ADAMTS2: variants seen among roughly 807,000 people sequenced by gnomAD.
The protein encoded by ADAMTS2 is ADAM metallopeptidase with thrombospondin type 1 motif 2, also known as A disintegrin and metalloproteinase with thrombospondin motifs 2.
Under a neutral mutation model 123.0 loss-of-function variants are expected in ADAMTS2, and 50 were observed. That is an observed-to-expected ratio of 0.41 (90% CI 0.32 to 0.51). The LOEUF (loss-of-function observed/expected upper bound fraction) is 0.51, where lower values mean the gene tolerates loss of function less well. ADAMTS2 is among the 20% of genes least tolerant of loss of function. The probability of loss-of-function intolerance (pLI) is 0.35; values close to 1 mark genes in which losing one functional copy is unlikely to be tolerated. For synonymous variants in ADAMTS2, 678 were observed against 695.4 expected, an observed-to-expected ratio of 0.98 and a Z score of 0.39; for missense variants, 1,494 against 1,705.2, an observed-to-expected ratio of 0.88 and a Z score of 2.18.
chr5:179,172,494 G>A (rs1297094092), intron 5 of ADAMTS2, among the ~76,000 whole-genome samples: 1 of 152,216 alleles, frequency 6.6e-6, no homozygotes. Context: ...CTAACCCAGG[G>A]GCGTGGGCTT....
chr5:179,121,867 T>C lies in ADAMTS2; in HGVS notation c.3089-117A>G, dbSNP rs184809731. On this transcript the variant is annotated intron_variant, in intron 20 of 21. Coordinates refer to ENST00000251582, the MANE Select transcript of ADAMTS2 (RefSeq NM_014244.5). Reference sequence around the variant, plus strand: ...GGAAGCGTCATTCAAGGCCCTCGCCTCCCCGGGCGGACAAAGGGTCCTCCG... The same window carrying C: ...GGAAGCGTCATTCAAGGCCCTCGCCCCCCCGGGCGGACAAAGGGTCCTCCG... The C allele has an allele frequency of 4.3e-4, 276 of 639,804 alleles. No individual in the cohort carries two copies. In the East Asian group the frequency reaches 7.7e-3, roughly 18 times the overall value. 39.6% of individuals were successfully genotyped at this position (639,804 alleles called of 1,614,324 possible). A position where few individuals can be genotyped will look rare whatever the true frequency, so the allele number is the denominator to read the frequency against.
chr5:179,243,379 C>T (rs1370166776), intron 3 of ADAMTS2, among the ~76,000 whole-genome samples: 1 of 152,114 alleles, frequency 6.6e-6, no homozygotes, highest in Non-Finnish European at 1.5e-5. Context: ...GTGTAACAGA[C>T]AGATCAGAGA....
chr5:179,248,556 C>T (rs974107833), intron 3 of ADAMTS2, among the ~76,000 whole-genome samples: 4 of 151,774 alleles, frequency 2.6e-5, no homozygotes, highest in Non-Finnish European at 4.4e-5. Context: ...TAAAGAAATG[C>T]TATGCAAATA....
rs749601461 is a variant in ADAMTS2, at chr5:179,158,919, G to A, written c.976-40C>T. On this transcript the variant is annotated intron_variant, in intron 5 of 21. Transcript: ENST00000251582. The surrounding 1 kb of genome is among the most constrained non-coding windows in gnomAD (Gnocchi z 5.0). ...AGAGAAATGGAAGAGAGAGGTTGGC[G>A]CCTGGTGGCCCAGTGGGGGGCCGAG... 1.1e-5 allele frequency: 17 copies of A among 1,608,468 alleles called. No homozygotes were observed. The highest frequency in any genetic ancestry group is 8.9e-5 in the East Asian group (4 of 44,696).
intron 2 of ADAMTS2, among the ~76,000 whole-genome samples, chr5:179,325,338 C>T (rs1447871680): frequency 6.6e-6 from 1 of 152,140 alleles, no homozygotes; most frequent in Non-Finnish European, 1.5e-5. Flanking sequence ...AGACCGCGTG[C>T]TTATCATGGG....
chr5:179,295,803 C>T (rs1364820359), intron 2 of ADAMTS2, among the ~76,000 whole-genome samples: 1 of 152,180 alleles, frequency 6.6e-6, no homozygotes. Context: ...GATTCAGGAG[C>T]AGCCACCAAG....
Position 179,209,509 on chromosome 5 carries a change from C to T in ADAMTS2, c.689-1794G>A, listed in dbSNP as rs182892981. Among the ~76,000 whole-genome samples, 127 of 151,528 alleles carry T rather than the reference C, an allele frequency of 8.4e-4. 1 individual carries two copies. Among genetic ancestry groups the T allele is most frequent in the Non-Finnish European group, 1.4e-3 (97 of 68,008 alleles). Reference sequence around the variant, plus strand: ...GCTCCACAGTTCTGTGTCCCCTCGGCGCACACACACATGCACACACACACA... The same window carrying T: ...GCTCCACAGTTCTGTGTCCCCTCGGTGCACACACACATGCACACACACACA... On this transcript the variant is annotated intron_variant, in intron 3 of 21. Coordinates refer to ENST00000251582, the MANE Select transcript of ADAMTS2 (RefSeq NM_014244.5).
At chr5:179,269,755 G>T (rs1441842777) in intron 3 of ADAMTS2, among the ~76,000 whole-genome samples, 2 of 152,196 alleles carry the variant, frequency 1.3e-5, no homozygotes, top group Non-Finnish European at 2.9e-5. Context: ...GCCACAGGGT[G>T]CCCTGTCCCT....
At chr5:179,324,800 C>T (rs911070178) in intron 2 of ADAMTS2, among the ~76,000 whole-genome samples, 11 of 152,164 alleles carry the variant, frequency 7.2e-5, no homozygotes, top group South Asian at 2.1e-4. Context: ...GGAGGGTTCA[C>T]GACATGGAAC....
intron 4 of ADAMTS2, among the ~76,000 whole-genome samples, chr5:179,183,193 T>C (rs1476774580): frequency 1.3e-5 from 2 of 152,210 alleles, no homozygotes; most frequent in African/African-American, 2.4e-5. Context: ...GATTGTTTAG[T>C]CCACGCTGGC....
chr5:179,250,494 G>A (rs200857030), intron 3 of ADAMTS2, among the ~76,000 whole-genome samples: 1 of 152,116 alleles, frequency 6.6e-6, no homozygotes, highest in Non-Finnish European at 1.5e-5. Flanking sequence ...TAAAAATTAT[G>A]GAATTATGCG....
At chr5:179,134,636 C>T (rs1488482601) in intron 13 of ADAMTS2, among the ~76,000 whole-genome samples, 1 of 152,186 alleles carries the variant, frequency 6.6e-6, no homozygotes, top group African/African-American at 2.4e-5. Flanking sequence ...TATTTGGTGT[C>T]GCCATCTCTG....
chr5:179,343,962 G>C lies in ADAMTS2; in HGVS notation c.339C>G (p.Val113=), dbSNP rs143877087. ...EEPGSHLFYN[V]TVFGRDLHLR... Reference sequence around the variant, plus strand: ...GGTGCAGGTCTCGGCCAAAGACCGTGACATTGTAGAAGAGGTGACTGCCAG... The same window carrying C: ...GGTGCAGGTCTCGGCCAAAGACCGTCACATTGTAGAAGAGGTGACTGCCAG... Residue 113 remains valine (V), a synonymous_variant, in exon 2 of 22, where the codon GTC becomes GTG. Transcript: ENST00000251582. 4.3e-6 allele frequency: 7 copies of C among 1,612,248 alleles called. No individual in the cohort carries two copies. Among genetic ancestry groups the C allele is most frequent in the Non-Finnish European group, 5.9e-6 (7 of 1,179,778 alleles).
intron 2 of ADAMTS2, among the ~76,000 whole-genome samples, chr5:179,318,380 G>A (rs374496434): frequency 1.2e-4 from 19 of 152,004 alleles, no homozygotes; most frequent in Admixed American, 7.8e-4. Context: ...GAGGAGAGGC[G>A]GGGCCAGCTA....
At chr5:179,156,364 T>TC (rs1275761546) in intron 6 of ADAMTS2, among the ~76,000 whole-genome samples, 1 of 150,712 alleles carries the variant, frequency 6.6e-6, no homozygotes, top group East Asian at 1.9e-4. Context: ...TTTCGATTTT[T>TC]TTTTTTTTTT....
chr5:179,127,423 C>T (rs1437944959), intron 17 of ADAMTS2, among the ~76,000 whole-genome samples: 4 of 152,084 alleles, frequency 2.6e-5, no homozygotes, highest in African/African-American at 9.7e-5. Context: ...ATCGCCCAGC[C>T]CCCAGGAGCA....
chr5:179,345,390 G>A lies in ADAMTS2; in HGVS notation c.-62C>T. The stretch of plus-strand genomic sequence containing the variant: ...CCGGCGCGAAAGTTCCCCGCGAGCC[G>A]CCCAGCCCACATCTGGGGGCAGCTG... On this transcript the variant is annotated 5_prime_UTR_variant, in exon 1 of 22. Coordinates refer to ENST00000251582, the MANE Select transcript of ADAMTS2 (RefSeq NM_014244.5). This position sits in a 1 kb window ranked among gnomAD's most constrained non-coding sequence, Gnocchi z 7.5. 2.7e-6 allele frequency: 3 copies of A among 1,095,968 alleles called. No individual in the cohort carries two copies. Among genetic ancestry groups the A allele is most frequent in the South Asian group, 4.3e-5 (1 of 23,118 alleles). The allele number at this position is 1,095,968 out of a possible 1,614,324, so 67.9% of individuals were successfully genotyped here.
In ADAMTS2 at chr5:179,308,932, G is replaced by A. The variant is rs527278390; in HGVS notation, c.534+34835C>T. ...CCCATTCATTCAGCCATTCTTCTAG[G>A]AGGACAGGCCAGGCCATGGTGAGGC... On this transcript the variant is annotated intron_variant, in intron 2 of 21. Transcript: ENST00000251582. The surrounding 1 kb of genome is among the most constrained non-coding windows in gnomAD (Gnocchi z 6.6). 6.6e-6 allele frequency among the ~76,000 whole-genome samples: 1 copy of A among 152,338 alleles called. No individual in the cohort carries two copies. Among genetic ancestry groups the A allele is most frequent in the Non-Finnish European group, 1.5e-5 (1 of 68,026 alleles).
chr5:179,334,232 C>T (rs1456117302), intron 2 of ADAMTS2, among the ~76,000 whole-genome samples: 1 of 152,176 alleles, frequency 6.6e-6, no homozygotes, highest in Admixed American at 6.5e-5. Flanking sequence ...CTGGCTCCCC[C>T]ACCTTCTGCA....
Sources: gnomAD v4.1 joint callset for allele counts (sites outside exome capture counted in the v4.1 genomes callset) on GRCh38, gnomAD v4.1.1 for gene constraint, Gnocchi (gnomAD v3.1) non-coding constraint, MANE v1.5 for transcripts, NCBI Gene and HGNC (gene_info 2026-07-23, HGNC 2026-07-21) for gene names.